Variants in CCDC187 observed in about 807,000 individuals in gnomAD.
CCDC187 encodes the protein coiled-coil domain containing 187, also known as coiled-coil domain-containing protein 187.
Under a neutral mutation model 38.0 loss-of-function variants are expected in CCDC187, and 32 were observed. That is an observed-to-expected ratio of 0.84 (90% CI 0.64 to 1.13). The LOEUF is 1.13. CCDC187 is among the 50% of genes most tolerant of loss of function. CCDC187 has a pLI of 0.00. For synonymous variants in CCDC187, 333 were observed against 347.9 expected (o/e 0.96, Z 0.48); for missense variants, 707 against 786.8 (o/e 0.90, Z 1.21).
chr9:136,262,099 C>A (rs1402046536), intron 19 of CCDC187, among the ~76,000 whole-genome samples: 1 of 152,246 alleles, frequency 6.6e-6, no homozygotes, highest in African/African-American at 2.4e-5. Context: ...CCAAAGCCAA[C>A]GGCCATACGG....
At chr9:136,302,324 A>T (rs1412401250) in intron 2 of CCDC187, among the ~76,000 whole-genome samples, 1 of 152,106 alleles carries the variant, frequency 6.6e-6, no homozygotes, top group Non-Finnish European at 1.5e-5. Context: ...AGCCGTTTCC[A>T]AACTTCTTTA....
At chr9:136,259,996 C>T (rs909046190) in intron 20 of CCDC187, 123 bp downstream of exon 20, 28 of 825,274 alleles carry the variant, frequency 3.4e-5, no homozygotes, top group Admixed American at 6.2e-5. Flanking sequence ...CGGTCACAGG[C>T]GGGGCACAGC....
intron 9 of CCDC187, among the ~76,000 whole-genome samples, chr9:136,284,013 C>A (rs973910680): frequency 6.6e-6 from 1 of 152,152 alleles, no homozygotes; most frequent in Non-Finnish European, 1.5e-5. Flanking sequence ...AGGCACCAAG[C>A]CCGCCATCCC....
chr9:136,291,041 C>T lies in CCDC187; in HGVS notation c.1572G>A (p.Arg524=), dbSNP rs1344354160. The T allele has an allele frequency of 7.5e-6, 3 of 398,658 alleles. No individual in the cohort carries two copies. The highest frequency in any genetic ancestry group is 6.2e-5 in the African/African-American group (3 of 48,632). 24.7% of individuals were successfully genotyped at this position (398,658 alleles called of 1,614,324 possible). The part of the protein sequence containing the change: ...SQRPGSPPEK[R]SPFPQQPWSA... The stretch of plus-strand genomic sequence containing the variant: ...TCCAGGGCTGCTGGGGGAAGGGGCT[C>T]CGCTTTTCAGGGGGGCTCCCAGGCC... Residue 524 remains arginine (R), a synonymous_variant, in exon 6 of 26, where the codon CGG becomes CGA. Transcript: ENST00000638797.
rs1448012089 is a variant in CCDC187, at chr9:136,264,618, C to G, written c.3736-820G>C. 2.0e-5 allele frequency among the ~76,000 whole-genome samples: 3 copies of G among 152,184 alleles called. No individual in the cohort carries two copies. Among genetic ancestry groups the G allele is most frequent in the African/African-American group, 7.2e-5 (3 of 41,440 alleles). ...GCTCCCTTGCCTGTAATGCCCCATGCCTGACACCCCAGGTCGTAGTATGTA... is the reference window on the plus strand; with the variant it reads ...GCTCCCTTGCCTGTAATGCCCCATGGCTGACACCCCAGGTCGTAGTATGTA... On this transcript the variant is annotated intron_variant, in intron 17 of 25. Transcript: ENST00000638797. The surrounding 1 kb of genome is among the most constrained non-coding windows in gnomAD (Gnocchi z 4.3).
At chr9:136,280,134 G>A (rs942599014) in intron 10 of CCDC187, among the ~76,000 whole-genome samples, 15 of 152,252 alleles carry the variant, frequency 9.9e-5, no homozygotes, top group South Asian at 2.1e-4. Context: ...CTGAACTGCC[G>A]CCCCACCCCA....
rs1032075175 is a variant in CCDC187 at position 136,260,101 on chromosome 9, G to A, written c.4210+18C>T. 1.3e-5 allele frequency: 13 copies of A among 985,270 alleles called. No individual in the cohort carries two copies. The South Asian group carries it at 1.4e-4, about 11-fold the overall frequency. The allele number at this position is 985,270 out of a possible 1,614,324, so 61.0% of individuals were successfully genotyped here. On this transcript the variant is annotated intron_variant, in intron 20 of 25. Coordinates refer to ENST00000638797, the MANE Select transcript of CCDC187 (RefSeq NM_001378188.1). ...AGCATCCGTCTGACCCTGGGCGGTCGCCGCGGCTGCTCATTACCTTGACTG... is the reference window on the plus strand; with the variant it reads ...AGCATCCGTCTGACCCTGGGCGGTCACCGCGGCTGCTCATTACCTTGACTG...
intron 7 of CCDC187, among the ~76,000 whole-genome samples, chr9:136,288,489 C>G (rs1325548335): frequency 6.6e-6 from 1 of 152,210 alleles, no homozygotes; most frequent in African/African-American, 2.4e-5. Context: ...TCTGAGCCAG[C>G]TCCCCCTGCC....
chr9:136,293,872 TCTGA>T (rs1481787688), intron 4 of CCDC187, among the ~76,000 whole-genome samples: 1 of 148,148 alleles, frequency 6.8e-6, no homozygotes, highest in African/African-American at 2.4e-5. Context: ...TCATATGCTC[TCTGA>T]CTCACACGCT....
In CCDC187 at chr9:136,252,039, C is replaced by T. The variant is rs544351858; in HGVS notation, c.*1555G>A. ...AGAGCCGGCCGCCCACCCAGTCCAC[C>T]CTGGGAAGGTCCAGGCAACCATCCC... On this transcript the variant is annotated 3_prime_UTR_variant, in exon 26 of 26. Transcript: ENST00000638797. 1 of 121,800 alleles carries T rather than the reference C, an allele frequency of 8.2e-6. No individual in the cohort carries two copies. The highest frequency in any genetic ancestry group is 2.6e-4 in the South Asian group (1 of 3,920). The allele number at this position is 121,800 out of a possible 1,614,324, so 7.5% of individuals were successfully genotyped here.
At chr9:136,282,393 G>A (rs1831066175) in intron 9 of CCDC187, among the ~76,000 whole-genome samples, 1 of 152,258 alleles carries the variant, frequency 6.6e-6, no homozygotes, top group Admixed American at 6.5e-5. Flanking sequence ...GAGCTACCAG[G>A]CACGGGGAGG....
chr9:136,300,154 GC>G (rs1831641330), intron 3 of CCDC187, 65 bp downstream of exon 3: 2 of 397,804 alleles, frequency 5.0e-6, no homozygotes, highest in Non-Finnish European at 4.4e-6. Context: ...CCCAGCATGT[GC>G]TGCCCCCATC....
chr9:136,255,816 C>T (rs1830605070), intron 24 of CCDC187, 83 bp from the exon 25 acceptor site: 1 of 664,558 alleles, frequency 1.5e-6, no homozygotes, highest in Non-Finnish European at 1.9e-6. Flanking sequence ...GGGACCCCAC[C>T]AGGCTCAGTC....
At chr9:136,296,536 A>C (rs1831539571) in intron 4 of CCDC187, 1 of 152,322 alleles carries the variant, frequency 6.6e-6, no homozygotes, top group African/African-American at 2.4e-5. Flanking sequence ...CTCATCTACA[A>C]AATGGGAGCA....
intron 4 of CCDC187, among the ~76,000 whole-genome samples, chr9:136,297,227 G>A (rs1309045952): frequency 6.6e-6 from 1 of 151,368 alleles, no homozygotes; most frequent in Non-Finnish European, 1.5e-5. Flanking sequence ...GGCTGTGGGT[G>A]TCCTGAGCTG....
At chr9:136,282,446 C>T (rs888077042) in intron 9 of CCDC187, among the ~76,000 whole-genome samples, 6 of 152,146 alleles carry the variant, frequency 3.9e-5, no homozygotes, top group South Asian at 2.1e-4. Flanking sequence ...CACAGAGAGA[C>T]GGGTTTGTGG....
chr9:136,265,151 A>C (rs918908347), intron 17 of CCDC187, among the ~76,000 whole-genome samples: 5 of 152,158 alleles, frequency 3.3e-5, no homozygotes, highest in African/African-American at 1.2e-4. Context: ...ACCTGTGAGG[A>C]GCCCTTGAGC....
chr9:136,299,833 T>C (rs1831631127), intron 3 of CCDC187, among the ~76,000 whole-genome samples: 2 of 152,142 alleles, frequency 1.3e-5, no homozygotes, highest in Admixed American at 1.3e-4. Flanking sequence ...GACGGAAAAG[T>C]GAGCCCAGGA....
At chr9:136,265,141 A>C (rs1367759671) in intron 17 of CCDC187, among the ~76,000 whole-genome samples, 1 of 152,114 alleles carries the variant, frequency 6.6e-6, no homozygotes, top group Non-Finnish European at 1.5e-5. Flanking sequence ...AGCGGCCGCG[A>C]CCTGTGAGGA....
Sources: gnomAD v4.1 joint callset for allele counts (sites outside exome capture counted in the v4.1 genomes callset) on GRCh38, gnomAD v4.1.1 for gene constraint, Gnocchi (gnomAD v3.1) non-coding constraint, MANE v1.5 for transcripts, NCBI Gene and HGNC (gene_info 2026-07-23, HGNC 2026-07-21) for gene names.